The following USP54 variants were observed in gnomAD, a reference collection of about 807,000 sequenced individuals.
The protein encoded by USP54 is ubiquitin carboxyl-terminal hydrolase 54.
In USP54, 87 loss-of-function variants were observed where a neutral mutation model predicts 170.5. The observed-to-expected ratio is 0.51, with a 90% CI of 0.43 to 0.61. The LOEUF (loss-of-function observed/expected upper bound fraction) is 0.61, where lower values mean the gene tolerates loss of function less well. USP54 is among the 20% of genes least tolerant of loss of function. The pLI is 0.00. For synonymous variants in USP54, 655 were observed against 742.8 expected, an observed-to-expected ratio of 0.88 and a Z score of 1.92; for missense variants, 1,786 against 2,047.8, an observed-to-expected ratio of 0.87 and a Z score of 2.47.
chr10:73,584,524 T>G (rs1185447442), intron 1 of USP54, among the ~76,000 whole-genome samples: 6 of 152,204 alleles, frequency 3.9e-5, no homozygotes, highest in African/African-American at 1.2e-4. Flanking sequence ...AACCTGTTTC[T>G]CAGAGCTAAA....
At chr10:73,557,325 AT>A (rs772475380) in intron 4 of USP54, among the ~76,000 whole-genome samples, 95 of 145,264 alleles carry the variant, frequency 6.5e-4, no homozygotes, top group Admixed American at 5.5e-4. Flanking sequence ...AACTTCTTCA[AT>A]TTTTTTTTTT....
Position 73,619,028 on chromosome 10 carries a change from C to T in USP54, c.-18+6539G>A, listed in dbSNP as rs1381073190. On this transcript the variant is annotated intron_variant, in intron 1 of 22. Coordinates refer to the USP54 transcript ENST00000339859. ...AGGAGTTCGAGACCAGCCTAGCCAACGTGGTGAAACCCTGTCTCTACTAAA... is the reference window on the plus strand; with the variant it reads ...AGGAGTTCGAGACCAGCCTAGCCAATGTGGTGAAACCCTGTCTCTACTAAA... Among the ~76,000 whole-genome samples, 6 of 149,998 alleles carry T rather than the reference C, an allele frequency of 4.0e-5. 1 individual carries two copies. The highest frequency in any genetic ancestry group is 1.9e-4 in the East Asian group (1 of 5,158).
intron 4 of USP54, among the ~76,000 whole-genome samples, chr10:73,552,315 A>G (rs2069607381): frequency 6.6e-6 from 1 of 152,066 alleles, no homozygotes; most frequent in African/African-American, 2.4e-5. Context: ...CGGGAGGCTG[A>G]CACAGGAGAA....
chr10:73,517,740 G>T lies in USP54; in HGVS notation c.2686C>A (p.Pro896Thr). The change falls in exon 20 of 24, where the codon CCT becomes ACT. Residue 896 changes from proline (P) to threonine (T), a missense_variant. Pro to Thr is a conservative substitution (Grantham distance 38). This residue lies in a region of USP54 where 1,418 missense variants were observed against 1,569.0 expected (regional missense o/e 0.90). Transcript: ENST00000687698. ...CTTAACAATACTTGGAGCGGGATAG[G>T]CTGTTCACTGAAACAAATGGAGAGA... The part of the protein sequence containing the change: ...GTLSQPTSEQ[P>T]IPLQVLLSQE... The T allele has an allele frequency of 6.2e-7, 1 of 1,609,554 alleles. No homozygotes were observed. The highest frequency in any genetic ancestry group is 1.3e-5 in the African/African-American group (1 of 74,958).
chr10:73,518,215 A>G (rs1158841206), intron 19 of USP54: 2 of 985,330 alleles, frequency 2.0e-6, no homozygotes, highest in African/African-American at 3.5e-5. Flanking sequence ...CAGCCCGGCC[A>G]AAGGAACTAT....
rs1056999532 is a variant in USP54, at chr10:73,498,407, T to C, written c.*222A>G. ...TCTCCTGCCTCAGCCTTCCGAGTAG[T>C]TGGGACTACAGGCACGCACCGTCAC... On this transcript the variant is annotated 3_prime_UTR_variant, in exon 24 of 24. Transcript: ENST00000687698. 48 of 282,364 alleles carry C rather than the reference T, an allele frequency of 1.7e-4. No individual in the cohort carries two copies. The highest frequency in any genetic ancestry group is 7.5e-4 in the Admixed American group (16 of 21,238). The allele number at this position is 282,364 out of a possible 1,614,324, so 17.5% of individuals were successfully genotyped here.
In USP54 at chr10:73,505,038, T is replaced by C. The variant is rs200834701; in HGVS notation, c.4171-48A>G. 1.2e-5 allele frequency: 20 copies of C among 1,610,302 alleles called. No homozygotes were observed. The East Asian group carries it at 1.6e-4, about 13-fold the overall frequency. On this transcript the variant is annotated intron_variant, in intron 21 of 23. Coordinates refer to ENST00000687698, the MANE Select transcript of USP54 (RefSeq NM_001391956.1). ...AGGCAGACACATAATACCAGACTTA[T>C]GGTTTTCCCACAGACAGTATCCTCA...
intron 9 of USP54, among the ~76,000 whole-genome samples, chr10:73,540,335 G>A (rs1015996637): frequency 1.3e-4 from 19 of 151,380 alleles, no homozygotes; most frequent in Admixed American, 1.3e-3. Context: ...CTTTTGGAGG[G>A]GGAGGCAGGC....
chr10:73,548,100 C>T (rs558678959), intron 4 of USP54, among the ~76,000 whole-genome samples: 68 of 152,132 alleles, frequency 4.5e-4, no homozygotes, highest in Admixed American at 2.8e-3. Flanking sequence ...CAAAAGAAGA[C>T]ATTTATGCAG....
chr10:73,584,041 G>A (rs2077192715), intron 1 of USP54, among the ~76,000 whole-genome samples: 2 of 152,086 alleles, frequency 1.3e-5, no homozygotes, highest in East Asian at 1.9e-4. Context: ...GAGGCATTTG[G>A]GAAATAAATA....
intron 12 of USP54, among the ~76,000 whole-genome samples, chr10:73,532,744 G>C (rs568975970): frequency 3.4e-4 from 51 of 152,092 alleles, no homozygotes; most frequent in African/African-American, 1.2e-3. Flanking sequence ...TATACCATAG[G>C]AATAAAATCA....
At chr10:73,560,521 G>A (rs375124257) in intron 4 of USP54, among the ~76,000 whole-genome samples, 334 of 150,856 alleles carry the variant, frequency 2.2e-3, no homozygotes, top group African/African-American at 7.6e-3. Flanking sequence ...AAAATTAGCC[G>A]GGCATGGTGG....
chr10:73,515,195 A>G (rs888193662), intron 20 of USP54, among the ~76,000 whole-genome samples: 1 of 152,228 alleles, frequency 6.6e-6, no homozygotes, highest in African/African-American at 2.4e-5. Context: ...CATTACAGAA[A>G]CTGTCACAGC....
rs573671470 is a variant in USP54, at chr10:73,576,842, C to T, written c.-581-481G>A. Among the ~76,000 whole-genome samples the T allele has an allele frequency of 2.6e-5, 4 of 152,288 alleles. No individual in the cohort carries two copies. The East Asian group carries it at 5.8e-4, about 22-fold the overall frequency. On this transcript the variant is annotated intron_variant, in intron 1 of 23. Coordinates refer to ENST00000687698, the MANE Select transcript of USP54 (RefSeq NM_001391956.1). ...AAGATCTGTTCTGAGTAAAGATGTT[C>T]CATCCAGAGAAACACTGATGGCGAG...
chr10:73,517,239 G>A lies in USP54; in HGVS notation c.3187C>T (p.Gln1063Ter). ...GTTCTATACAGGGGAAGGCTGGGCT[G>A]AGCTGATGAATTTGAAGGACTACAG... ...LGCSPSNSSA[Q>*]PSLPLYRTCH... is the part of the protein sequence containing the mutation. The change falls in exon 20 of 24, where the codon CAG (glutamine) becomes TAG (stop). Residue 1063 changes from glutamine (Q) to a stop codon, truncating the protein, a stop_gained. Coordinates refer to ENST00000687698, the MANE Select transcript of USP54 (RefSeq NM_001391956.1). LOFTEE classifies it high-confidence loss of function. 6.2e-7 allele frequency: 1 copy of A among 1,614,178 alleles called. No individual in the cohort carries two copies. Among genetic ancestry groups the A allele is most frequent in the Non-Finnish European group, 8.5e-7 (1 of 1,180,002 alleles).
intron 22 of USP54, among the ~76,000 whole-genome samples, chr10:73,503,884 C>G (rs761039583): frequency 6.6e-6 from 1 of 152,182 alleles, no homozygotes. Context: ...AAGCACCCCC[C>G]ACCATGCCTG....
intron 4 of USP54, among the ~76,000 whole-genome samples, chr10:73,551,742 G>A (rs2069416508): frequency 6.6e-6 from 1 of 152,170 alleles, no homozygotes; most frequent in Admixed American, 6.5e-5. Flanking sequence ...ACAAAGGATG[G>A]ATGAGGTTTG....
intron 19 of USP54, chr10:73,518,155 A>G: frequency 1.0e-6 from 1 of 985,028 alleles, no homozygotes; most frequent in Non-Finnish European, 1.2e-6. Flanking sequence ...AAACAGCAAA[A>G]ATCCAGGATG....
intron 15 of USP54, chr10:73,529,436 G>A: frequency 1.9e-6 from 1 of 519,466 alleles, no homozygotes; most frequent in Non-Finnish European, 3.5e-6. Context: ...TATGCCCCCT[G>A]AACCTAATTT....
Sources: gnomAD v4.1 joint callset for allele counts (sites outside exome capture counted in the v4.1 genomes callset) on GRCh38, gnomAD v4.1.1 for gene constraint, gnomAD v4.1.1 regional missense constraint, MANE v1.5 for transcripts, NCBI Gene and HGNC (gene_info 2026-07-23, HGNC 2026-07-21) for gene names.